The following CCSER1 variants were observed in gnomAD, a reference collection of about 807,000 sequenced individuals.
CCSER1 encodes the protein serine-rich coiled-coil domain-containing protein 1.
Under a neutral mutation model 82.0 loss-of-function variants are expected in CCSER1, and 41 were observed. That is an observed-to-expected ratio of 0.50 (90% CI 0.39 to 0.65). The LOEUF is 0.65. Among genes scored for constraint, CCSER1 ranks in the 30% least tolerant of loss-of-function variants. The probability of loss-of-function intolerance (pLI) is 0.00; values close to 1 mark genes in which losing one functional copy is unlikely to be tolerated. For synonymous variants in CCSER1, 414 were observed against 383.9 expected (o/e 1.08, Z -0.92); for missense variants, 1,119 against 1,064.2 (o/e 1.05, Z -0.72).
At chr4:90,548,212 C>T (rs899925688) in intron 5 of CCSER1, among the ~76,000 whole-genome samples, 3 of 152,094 alleles carry the variant, frequency 2.0e-5, no homozygotes, top group African/African-American at 7.2e-5. Context: ...GTGTGTAGGA[C>T]TCTTACGCAG....
intron 5 of CCSER1, among the ~76,000 whole-genome samples, chr4:90,538,662 A>G (rs1775727048): frequency 6.6e-6 from 1 of 152,088 alleles, no homozygotes; most frequent in Admixed American, 6.6e-5. Context: ...TTAAGATAAT[A>G]TTCTAGCATG....
At chr4:91,309,669 C>G (rs1253101288) in intron 10 of CCSER1, among the ~76,000 whole-genome samples, 1 of 151,930 alleles carries the variant, frequency 6.6e-6, no homozygotes, top group Non-Finnish European at 1.5e-5. Context: ...AAGGAACAAC[C>G]AAGGCACTCG....
At chr4:91,530,198 T>C (rs578043684) in intron 10 of CCSER1, among the ~76,000 whole-genome samples, 1 of 152,222 alleles carries the variant, frequency 6.6e-6, no homozygotes, top group South Asian at 2.1e-4. Flanking sequence ...TGTGCTTTTA[T>C]TAAAAACATA....
At chr4:90,359,468 G>A (rs886176640) in intron 3 of CCSER1, among the ~76,000 whole-genome samples, 1 of 151,908 alleles carries the variant, frequency 6.6e-6, no homozygotes, top group African/African-American at 2.4e-5. Flanking sequence ...GGCAGGGCGC[G>A]GTGCCTCATG....
intron 7 of CCSER1, chr4:90,780,804 G>C: frequency 9.1e-7 from 1 of 1,101,812 alleles, no homozygotes; most frequent in Non-Finnish European, 1.1e-6. Flanking sequence ...CCATATATGC[G>C]TGATCTTTTA....
chr4:91,418,508 C>A (rs954927117), intron 10 of CCSER1, among the ~76,000 whole-genome samples: 10 of 151,426 alleles, frequency 6.6e-5, no homozygotes, highest in African/African-American at 2.4e-4. Flanking sequence ...AACATGAAAC[C>A]TGCCGAGACT....
intron 9 of CCSER1, among the ~76,000 whole-genome samples, chr4:91,003,578 A>G (rs1389372686): frequency 6.6e-6 from 1 of 152,052 alleles, no homozygotes; most frequent in Non-Finnish European, 1.5e-5. Context: ...GCCCCCTCCA[A>G]CAGAACCGAG....
chr4:91,283,432 A>T (rs2149206081), intron 10 of CCSER1, among the ~76,000 whole-genome samples: 1 of 152,234 alleles, frequency 6.6e-6, no homozygotes, highest in South Asian at 2.1e-4. Flanking sequence ...TTAGTTTAAA[A>T]GATTTTGAGA....
At chr4:91,104,774 A>G (rs1193772771) in intron 10 of CCSER1, among the ~76,000 whole-genome samples, 1 of 151,988 alleles carries the variant, frequency 6.6e-6, no homozygotes, top group African/African-American at 2.4e-5. Context: ...GCAGATGACC[A>G]CCTTCTTGCT....
At chr4:90,822,062 G>A (rs1292826482) in intron 8 of CCSER1, among the ~76,000 whole-genome samples, 1 of 151,882 alleles carries the variant, frequency 6.6e-6, no homozygotes, top group African/African-American at 2.4e-5. Flanking sequence ...AAGTATATTT[G>A]GTATTTATTA....
At position 91,603,126 on chromosome 4, in the gene CCSER1, G is replaced by A. The variant is rs1764869356; in HGVS notation, c.*4069G>A. 6.6e-6 allele frequency: 1 copy of A among 151,994 alleles called. No individual in the cohort carries two copies. Among genetic ancestry groups the A allele is most frequent in the South Asian group, 2.1e-4 (1 of 4,830 alleles). 9.4% of individuals were successfully genotyped at this position (151,994 alleles called of 1,614,324 possible). ...CAAACTAGTTTTGGTTCTTATAAAA[G>A]GCTGATTTCAGTTAAGACTGGTCAT... On this transcript the variant is annotated 3_prime_UTR_variant, in exon 11 of 11. Coordinates refer to ENST00000509176, the MANE Select transcript of CCSER1 (RefSeq NM_001145065.2).
intron 3 of CCSER1, among the ~76,000 whole-genome samples, chr4:90,379,128 C>A (rs553702434): frequency 6.6e-6 from 1 of 152,266 alleles, no homozygotes; most frequent in African/African-American, 2.4e-5. Context: ...AGTTTAACAG[C>A]AACACAGATT....
At chr4:91,286,335 G>T (rs1040373058) in intron 10 of CCSER1, among the ~76,000 whole-genome samples, 2 of 151,736 alleles carry the variant, frequency 1.3e-5, no homozygotes, top group African/African-American at 4.8e-5. Context: ...GTATAGGTTT[G>T]GTTAGTATTT....
intron 10 of CCSER1, among the ~76,000 whole-genome samples, chr4:91,148,429 T>G (rs1729764487): frequency 6.6e-6 from 1 of 152,086 alleles, no homozygotes; most frequent in Non-Finnish European, 1.5e-5. Context: ...CCTCCTTCAT[T>G]TAATTAGTAT....
chr4:91,481,980 CAAAAG>C (rs1457372992), intron 10 of CCSER1, among the ~76,000 whole-genome samples: 1 of 152,124 alleles, frequency 6.6e-6, no homozygotes, highest in Non-Finnish European at 1.5e-5. Context: ...AGACACTTCT[CAAAAG>C]AAGACATTTA....
At chr4:91,025,944 G>A (rs149413883) in intron 9 of CCSER1, among the ~76,000 whole-genome samples, 1 of 152,220 alleles carries the variant, frequency 6.6e-6, no homozygotes, top group East Asian at 1.9e-4. Flanking sequence ...GCTAGATGAA[G>A]AGGGATGAAC....
At chr4:91,289,814 G>A (rs1743609387) in intron 10 of CCSER1, among the ~76,000 whole-genome samples, 1 of 151,910 alleles carries the variant, frequency 6.6e-6, no homozygotes, top group African/African-American at 2.4e-5. Context: ...TGAGAAAAAT[G>A]GCCACAAATT....
At chr4:91,331,941 C>T (rs1746985341) in intron 10 of CCSER1, among the ~76,000 whole-genome samples, 1 of 152,102 alleles carries the variant, frequency 6.6e-6, no homozygotes, top group African/African-American at 2.4e-5. Flanking sequence ...AAGCTGTTTT[C>T]ATCACCATCA....
intron 3 of CCSER1, among the ~76,000 whole-genome samples, chr4:90,355,718 C>T (rs1211266901): frequency 6.6e-6 from 1 of 151,896 alleles, no homozygotes; most frequent in Admixed American, 6.6e-5. Context: ...ATATATTTTA[C>T]AACATTATTG....
Sources: gnomAD v4.1 joint callset for allele counts (sites outside exome capture counted in the v4.1 genomes callset) on GRCh38, gnomAD v4.1.1 for gene constraint, MANE v1.5 for transcripts, NCBI Gene and HGNC (gene_info 2026-07-23, HGNC 2026-07-21) for gene names.